FBRSL1: variants seen among roughly 807,000 people sequenced by gnomAD.
The protein encoded by FBRSL1 is fibrosin like 1.
In FBRSL1, 51 loss-of-function variants were observed where a neutral mutation model predicts 89.6. The observed-to-expected ratio is 0.57, with a 90% CI of 0.45 to 0.72. The LOEUF (loss-of-function observed/expected upper bound fraction) is 0.72, where lower values mean the gene tolerates loss of function less well. Ranked by LOEUF, FBRSL1 falls within the 30% of genes least tolerant of loss-of-function variation. FBRSL1 has a pLI of 0.00. For synonymous variants in FBRSL1, 779 were observed against 681.1 expected, an observed-to-expected ratio of 1.14 and a Z score of -2.24; for missense variants, 1,618 against 1,451.8, an observed-to-expected ratio of 1.11 and a Z score of -1.86.
Position 132,574,407 on chromosome 12 carries a change from C to G in FBRSL1, c.1629+59C>G, listed in dbSNP as rs1359222236. 10 of 1,548,572 alleles carry G rather than the reference C, an allele frequency of 6.5e-6. No homozygotes were observed. In the Admixed American group the frequency reaches 2.0e-4, roughly 31 times the overall value. On this transcript the variant is annotated intron_variant, in intron 13 of 18. Transcript: ENST00000680143. ...AGGACTCTGGTGCCCCCGGGGCGGC[C>G]TCGGGGGGCCCGTGACAGCAGGAGT...
At chr12:132,549,084 G>A (rs2037933462) in intron 5 of FBRSL1, among the ~76,000 whole-genome samples, 1 of 152,204 alleles carries the variant, frequency 6.6e-6, no homozygotes, top group Non-Finnish European at 1.5e-5. Context: ...CGGTGGCCGG[G>A]GGAGGAGGGT....
Position 132,585,127 on chromosome 12 carries a change from T to C in FBRSL1, c.*1349T>C, listed in dbSNP as rs1459034087. ...ACATTTCCACGGTGGACCCTGTTTG[T>C]TTTAAATATTCTGTTCCCATGTCAA... On this transcript the variant is annotated 3_prime_UTR_variant, in exon 19 of 19. Transcript: ENST00000680143. 1.3e-5 allele frequency: 2 copies of C among 149,868 alleles called. No individual in the cohort carries two copies. The highest frequency in any genetic ancestry group is 2.9e-5 in the Non-Finnish European group (2 of 68,038). The allele number at this position is 149,868 out of a possible 1,614,324, so 9.3% of individuals were successfully genotyped here.
At position 132,508,288 on chromosome 12, in the gene FBRSL1, G is replaced by C. The variant is rs760457270; in HGVS notation, c.427G>C (p.Gly143Arg). The C allele has an allele frequency of 1.3e-6, 2 of 1,549,984 alleles. No individual in the cohort carries two copies. Among genetic ancestry groups the C allele is most frequent in the Non-Finnish European group, 8.7e-7 (1 of 1,146,732 alleles). ...GCGGCCCCTGGAGGCAGGCAGCCCCGGGCAGGACCTCGAACCCGCCTGCGA... is the reference window on the plus strand; with the variant it reads ...GCGGCCCCTGGAGGCAGGCAGCCCCCGGCAGGACCTCGAACCCGCCTGCGA... ...NRRPLEAGSP[G>R]QDLEPACDGA... is the part of the protein sequence containing the mutation. The change falls in exon 2 of 19, where the codon GGG (glycine) becomes CGG (arginine). Residue 143 changes from glycine (G) to arginine (R), a missense_variant. Physicochemically the swap from Gly to Arg is moderately radical, Grantham distance 125. Coordinates refer to ENST00000680143, the MANE Select transcript of FBRSL1 (RefSeq NM_001367871.1).
Position 132,582,993 on chromosome 12 carries a change from C to A in FBRSL1, c.2224C>A (p.Leu742Met), listed in dbSNP as rs148402453. 319 of 1,449,182 alleles carry A rather than the reference C, an allele frequency of 2.2e-4. No homozygotes were observed. In the African/African-American group the frequency reaches 4.5e-3, roughly 20 times the overall value. The allele number at this position is 1,449,182 out of a possible 1,614,324, so 89.8% of individuals were successfully genotyped here. Residue 742 changes from leucine to methionine, a missense_variant, in exon 19 of 19, where the codon CTG becomes ATG. Leu to Met is a conservative substitution (Grantham distance 15). Coordinates refer to ENST00000680143, the MANE Select transcript of FBRSL1 (RefSeq NM_001367871.1). ...QERDLLEKTR[L>M]LSRASPATPA... ...CAGGGACCTCCTGGAGAAGACGCGC[C>A]TGCTGAGCCGGGCCTCGCCCGCCAC... is the stretch of plus-strand genomic sequence containing the variant.
At chr12:132,562,004 G>A (rs1052148330) in intron 5 of FBRSL1, among the ~76,000 whole-genome samples, 3 of 152,060 alleles carry the variant, frequency 2.0e-5, no homozygotes, top group South Asian at 2.1e-4. Context: ...GGGAGCCGCA[G>A]TGCCCCCTGG....
intron 4 of FBRSL1, among the ~76,000 whole-genome samples, chr12:132,535,893 G>C (rs1189899947): frequency 6.8e-6 from 1 of 147,850 alleles, no homozygotes; most frequent in Non-Finnish European, 1.5e-5. Flanking sequence ...CGTGTCCATG[G>C]TGTGTGAGTG....
At chr12:132,532,133 C>T (rs1455723459) in intron 4 of FBRSL1, among the ~76,000 whole-genome samples, 1 of 151,820 alleles carries the variant, frequency 6.6e-6, no homozygotes, top group Non-Finnish European at 1.5e-5. Flanking sequence ...ACAGAATGTT[C>T]TGGAGGGGCC....
chr12:132,570,453 C>T lies in FBRSL1; in HGVS notation c.1126C>T (p.His376Tyr). ...CCGGTCCCAGGCGCAGCACCAGCTC[C>T]ACGCGGCCATGTTTGCCGCACCCCC... ...ALRSQAQHQL[H>Y]AAMFAAPPTL... Residue 376 changes from histidine to tyrosine, a missense_variant, in exon 8 of 19, where the codon CAC becomes TAC. Transcript: ENST00000680143. 1 of 1,534,158 alleles carries T rather than the reference C, an allele frequency of 6.5e-7. No homozygotes were observed. The highest frequency in any genetic ancestry group is 8.7e-7 in the Non-Finnish European group (1 of 1,145,594).
At chr12:132,582,396 CCCCCTGTTCCCCTT>C in intron 18 of FBRSL1, 130 bp downstream of exon 18, 2 of 629,808 alleles carry the variant, frequency 3.2e-6, no homozygotes, top group South Asian at 3.6e-5. Context: ...CGTTCCCCCT[CCCCCTGTTCCCCTT>C]CCCCGTTCCC....
chr12:132,511,168 C>G, intron 2 of FBRSL1: 1 of 985,532 alleles, frequency 1.0e-6, no homozygotes, highest in Non-Finnish European at 1.2e-6. Context: ...TCAGGACCTG[C>G]AGGGGACCCG....
chr12:132,544,646 G>A (rs190095394), intron 4 of FBRSL1, among the ~76,000 whole-genome samples: 245 of 152,260 alleles, frequency 1.6e-3, no homozygotes, highest in Middle Eastern at 6.8e-3. Flanking sequence ...GGATGGTGAC[G>A]TGAGGACGGC....
intron 2 of FBRSL1, chr12:132,511,979 C>T (rs1425927007): frequency 7.1e-6 from 7 of 985,348 alleles, no homozygotes; most frequent in Middle Eastern, 5.2e-4. Context: ...TTTAAACAGA[C>T]GAGCATGTGT....
intron 4 of FBRSL1, among the ~76,000 whole-genome samples, chr12:132,534,453 G>A (rs555581648): frequency 3.9e-5 from 6 of 152,350 alleles, no homozygotes; most frequent in Admixed American, 1.3e-4. Context: ...TGCACCTGTC[G>A]CACCCTCTGC....
intron 4 of FBRSL1, among the ~76,000 whole-genome samples, chr12:132,538,849 G>A (rs1441077670): frequency 3.3e-5 from 5 of 152,160 alleles, no homozygotes; most frequent in African/African-American, 4.8e-5. Flanking sequence ...CCCACCACCC[G>A]GTTATCTTGT....
At chr12:132,550,284 C>T (rs558370906) in intron 5 of FBRSL1, among the ~76,000 whole-genome samples, 1 of 151,874 alleles carries the variant, frequency 6.6e-6, no homozygotes, top group Non-Finnish European at 1.5e-5. Flanking sequence ...CTTCGGGTCA[C>T]GCCCACTCTG....
intron 1 of FBRSL1, among the ~76,000 whole-genome samples, chr12:132,496,070 G>A (rs1018136691): frequency 3.9e-5 from 6 of 152,230 alleles, no homozygotes; most frequent in Non-Finnish European, 7.3e-5. Context: ...TGTCCTTGCC[G>A]TGGCTACGCC....
chr12:132,543,914 G>A (rs1023143776), intron 4 of FBRSL1, among the ~76,000 whole-genome samples: 11 of 152,324 alleles, frequency 7.2e-5, no homozygotes, highest in Non-Finnish European at 1.2e-4. Flanking sequence ...GCTGAGCTGC[G>A]GGCTTGGGGT....
chr12:132,567,335 C>T (rs188528377), intron 5 of FBRSL1, 146 bp from the exon 6 acceptor site: 2 of 719,638 alleles, frequency 2.8e-6, no homozygotes, highest in African/African-American at 1.8e-5. Flanking sequence ...TAAGCGTGTT[C>T]ACCTCGTACA....
chr12:132,576,342 G>A (rs548808398), intron 14 of FBRSL1, among the ~76,000 whole-genome samples: 10 of 151,988 alleles, frequency 6.6e-5, no homozygotes, highest in East Asian at 3.9e-4. Flanking sequence ...ACAGGCGCCC[G>A]CCACTGCGCC....
Sources: gnomAD v4.1 joint callset for allele counts (sites outside exome capture counted in the v4.1 genomes callset) on GRCh38, gnomAD v4.1.1 for gene constraint, MANE v1.5 for transcripts, NCBI Gene and HGNC (gene_info 2026-07-23, HGNC 2026-07-21) for gene names.